ACVR1C: variants seen among roughly 807,000 people sequenced by gnomAD.
The protein encoded by ACVR1C is activin A receptor type 1C.
Under a neutral mutation model 57.9 loss-of-function variants are expected in ACVR1C, and 23 were observed. That is an observed-to-expected ratio of 0.40 (90% CI 0.29 to 0.56). The LOEUF (loss-of-function observed/expected upper bound fraction) is 0.56, where lower values mean the gene tolerates loss of function less well. Among genes scored for constraint, ACVR1C ranks in the 20% least tolerant of loss-of-function variants. The pLI is 0.50. For missense variants in ACVR1C, 480 were observed against 607.9 expected (o/e 0.79, Z 2.21); for synonymous variants, 214 against 215.3 (o/e 0.99, Z 0.05).
At chr2:157,554,285 G>A (rs868741565) in intron 3 of ACVR1C, among the ~76,000 whole-genome samples, 1,032 of 81,370 alleles carry the variant, frequency 0.013, 44 homozygotes, top group African/African-American at 0.047. Context: ...GGAAGGAAGA[G>A]AGAGAGAGAG....
chr2:157,626,922 G>T (rs13398230), intron 1 of ACVR1C, among the ~76,000 whole-genome samples: 61 of 152,152 alleles, frequency 4.0e-4, no homozygotes, highest in African/African-American at 1.1e-3. Flanking sequence ...TTAAGTGAGC[G>T]ACTTTGAATG....
At chr2:157,588,914 T>TAC (rs540299016) in intron 1 of ACVR1C, among the ~76,000 whole-genome samples, 31 of 142,286 alleles carry the variant, frequency 2.2e-4, no homozygotes, top group Non-Finnish European at 4.4e-4. Flanking sequence ...TACATGCTCA[T>TAC]ACACACACAC....
At chr2:157,588,603 C>T (rs1259008955) in intron 1 of ACVR1C, among the ~76,000 whole-genome samples, 10 of 148,534 alleles carry the variant, frequency 6.7e-5, no homozygotes, top group African/African-American at 2.2e-4. Context: ...CCTCCCCCAC[C>T]TCCTGAGTCT....
At chr2:157,542,598 G>T in intron 6 of ACVR1C, 108 bp downstream of exon 6, 1 of 1,276,656 alleles carries the variant, frequency 7.8e-7, no homozygotes, top group Non-Finnish European at 1.1e-6. Flanking sequence ...GATTTCTTGG[G>T]CCCAGTGGTT....
chr2:157,576,788 A>C (rs1688664000), intron 2 of ACVR1C, among the ~76,000 whole-genome samples: 1 of 151,154 alleles, frequency 6.6e-6, no homozygotes, highest in Non-Finnish European at 1.5e-5. Context: ...CTGTTCCTGG[A>C]AGTTTAGCAC....
At chr2:157,626,939 C>CT (rs962386083) in intron 1 of ACVR1C, among the ~76,000 whole-genome samples, 2 of 152,030 alleles carry the variant, frequency 1.3e-5, no homozygotes, top group Non-Finnish European at 2.9e-5. Context: ...AATGGATTAT[C>CT]TTTTTTTTAT....
intron 1 of ACVR1C, among the ~76,000 whole-genome samples, chr2:157,618,247 T>C (rs1053534267): frequency 2.0e-5 from 3 of 151,816 alleles, no homozygotes; most frequent in African/African-American, 7.2e-5. Flanking sequence ...CATATGATGG[T>C]AAGGTTCTTA....
intron 1 of ACVR1C, among the ~76,000 whole-genome samples, chr2:157,618,354 A>G (rs1682698457): frequency 6.6e-6 from 1 of 151,728 alleles, no homozygotes; most frequent in South Asian, 2.1e-4. Context: ...TAAAGCTAAT[A>G]TTTAGTCAAT....
chr2:157,620,290 T>C (rs1310999927), intron 1 of ACVR1C, among the ~76,000 whole-genome samples: 1 of 152,032 alleles, frequency 6.6e-6, no homozygotes, highest in African/African-American at 2.4e-5. Flanking sequence ...AAATGACAGA[T>C]TGCAAGTAGA....
chr2:157,558,779 G>T (rs1470282523), intron 2 of ACVR1C, among the ~76,000 whole-genome samples: 1 of 152,062 alleles, frequency 6.6e-6, no homozygotes, highest in East Asian at 1.9e-4. Context: ...ATTAGCCATG[G>T]TACTTCCAAC....
chr2:157,619,275 C>T (rs967851247), intron 1 of ACVR1C, among the ~76,000 whole-genome samples: 9 of 150,044 alleles, frequency 6.0e-5, no homozygotes, highest in African/African-American at 2.0e-4. Context: ...AAATATTTGG[C>T]AGTTAAATAA....
intron 2 of ACVR1C, among the ~76,000 whole-genome samples, chr2:157,579,022 CTT>C (rs959597449): frequency 1.3e-5 from 2 of 152,148 alleles, no homozygotes. Flanking sequence ...CTCTAATTAA[CTT>C]TTTTTCCTCT....
At chr2:157,611,960 A>C (rs1682545680) in intron 1 of ACVR1C, among the ~76,000 whole-genome samples, 1 of 152,222 alleles carries the variant, frequency 6.6e-6, no homozygotes, top group Admixed American at 6.5e-5. Flanking sequence ...GACTCATTCT[A>C]GAGCAGAGCA....
intron 8 of ACVR1C, among the ~76,000 whole-genome samples, chr2:157,537,391 T>C (rs1196544655): frequency 6.6e-6 from 1 of 151,874 alleles, no homozygotes; most frequent in African/African-American, 2.4e-5. Flanking sequence ...ACATAAATTA[T>C]TAATATTAGA....
chr2:157,546,145 G>A (rs923569592), intron 4 of ACVR1C, among the ~76,000 whole-genome samples: 2 of 152,128 alleles, frequency 1.3e-5, no homozygotes, highest in African/African-American at 4.8e-5. Context: ...GATGATCCAT[G>A]TACAGTCATA....
chr2:157,563,017 T>C (rs1361348337), intron 2 of ACVR1C, among the ~76,000 whole-genome samples: 1 of 152,212 alleles, frequency 6.6e-6, no homozygotes, highest in Non-Finnish European at 1.5e-5. Context: ...AATATCATAC[T>C]GAATGGGCAA....
chr2:157,533,507 T>G lies in ACVR1C; in HGVS notation c.*411A>C, dbSNP rs548873614. ...ATTGCATCACCTAAAGATAGCATGC[T>G]CTAATTTGCATGTTTAATTAATATG... On this transcript the variant is annotated 3_prime_UTR_variant, in exon 9 of 9. Coordinates refer to ENST00000243349, the MANE Select transcript of ACVR1C (RefSeq NM_145259.3). 1 of 152,924 alleles carries G rather than the reference T, an allele frequency of 6.5e-6. No individual in the cohort carries two copies. Among genetic ancestry groups the G allele is most frequent in the East Asian group, 1.9e-4 (1 of 5,196 alleles). 9.5% of individuals were successfully genotyped at this position (152,924 alleles called of 1,614,324 possible).
chr2:157,592,563 T>C (rs1249468517), intron 1 of ACVR1C, among the ~76,000 whole-genome samples: 1 of 152,104 alleles, frequency 6.6e-6, no homozygotes, highest in East Asian at 1.9e-4. Flanking sequence ...ATGATAGGAC[T>C]GACAGCGAAC....
At chr2:157,575,829 A>C (rs1688632587) in intron 2 of ACVR1C, among the ~76,000 whole-genome samples, 1 of 152,160 alleles carries the variant, frequency 6.6e-6, no homozygotes, top group Non-Finnish European at 1.5e-5. Flanking sequence ...TTAGAAAAAG[A>C]ATATATGTGC....
Sources: gnomAD v4.1 joint callset for allele counts (sites outside exome capture counted in the v4.1 genomes callset) on GRCh38, gnomAD v4.1.1 for gene constraint, MANE v1.5 for transcripts, NCBI Gene and HGNC (gene_info 2026-07-23, HGNC 2026-07-21) for gene names.